SLC20A2: variants seen among roughly 807,000 people sequenced by gnomAD.
The protein encoded by SLC20A2 is sodium-dependent phosphate transporter 2.
A neutral mutation model predicts 61.0 loss-of-function variants in SLC20A2; 30 were observed. That is an observed-to-expected ratio of 0.49 (90% CI 0.37 to 0.67). The LOEUF (loss-of-function observed/expected upper bound fraction) is 0.67, where lower values mean the gene tolerates loss of function less well. Ranked by LOEUF, SLC20A2 falls within the 30% of genes least tolerant of loss-of-function variation. The pLI is 0.00. For synonymous variants in SLC20A2, 351 were observed against 353.3 expected, an observed-to-expected ratio of 0.99 and a Z score of 0.07; for missense variants, 626 against 866.4, an observed-to-expected ratio of 0.72 and a Z score of 3.48.
chr8:42,443,946 T>C (rs1265814653), intron 6 of SLC20A2, among the ~76,000 whole-genome samples: 1 of 152,228 alleles, frequency 6.6e-6, no homozygotes, highest in Non-Finnish European at 1.5e-5. Flanking sequence ...GTAGGATGCC[T>C]TCAGCCGTCA....
chr8:42,529,918 CTT>C lies in SLC20A2; in HGVS notation c.-265+11901_-265+11902del, dbSNP rs543676087. Among the ~76,000 whole-genome samples the C allele has an allele frequency of 4.6e-5, 7 of 152,234 alleles. No individual in the cohort carries two copies. The South Asian group carries it at 1.5e-3, about 32-fold the overall frequency. ...AACCTTTTGATTATAAGTGAAATAA[CTT>C]TTAAAAAAGAAACTTTAGATACAGT... On this transcript the variant is annotated intron_variant, in intron 1 of 10. Coordinates refer to the SLC20A2 transcript ENST00000342228.
chr8:42,444,962 G>A (rs1352657558), intron 5 of SLC20A2, among the ~76,000 whole-genome samples, 200 bp from the exon 6 acceptor site: 1 of 152,262 alleles, frequency 6.6e-6, no homozygotes, highest in Non-Finnish European at 1.5e-5. Flanking sequence ...TGGCGAATAT[G>A]TGCTTAAACT....
At chr8:42,527,575 C>G (rs966358964) in intron 1 of SLC20A2, among the ~76,000 whole-genome samples, 11 of 151,880 alleles carry the variant, frequency 7.2e-5, no homozygotes, top group Non-Finnish European at 1.2e-4. Flanking sequence ...GTTGGGAGTT[C>G]AAGACCAACA....
At chr8:42,503,991 G>T (rs1196641923), upstream of SLC20A2, among the ~76,000 whole-genome samples, 1 of 152,174 alleles carries the variant, frequency 6.6e-6, no homozygotes, top group African/African-American at 2.4e-5. Context: ...CCAGGCTGAA[G>T]TGCAGTGGCA....
At chr8:42,486,612 G>A (rs534356648) in intron 1 of SLC20A2, among the ~76,000 whole-genome samples, 162 of 152,230 alleles carry the variant, frequency 1.1e-3, no homozygotes, top group Middle Eastern at 3.4e-3. Flanking sequence ...GGATTCTTTC[G>A]GCACTTTAAT....
intron 1 of SLC20A2, among the ~76,000 whole-genome samples, chr8:42,516,328 T>A (rs2131386932): frequency 6.6e-6 from 1 of 152,296 alleles, no homozygotes; most frequent in East Asian, 1.9e-4. Context: ...GGGAATACAA[T>A]ATTATCCTAG....
intron 1 of SLC20A2, among the ~76,000 whole-genome samples, chr8:42,525,151 C>T (rs1343514619): frequency 6.6e-6 from 1 of 152,082 alleles, no homozygotes; most frequent in Admixed American, 6.6e-5. Flanking sequence ...GGTGCCACAC[C>T]CACCATCATC....
At chr8:42,502,351 G>C (rs1445598607), upstream of SLC20A2, 1 of 152,118 alleles carries the variant, frequency 6.6e-6, no homozygotes, top group East Asian at 1.9e-4. Context: ...TGTTAGTTTG[G>C]ACTTCAGGAG....
intron 5 of SLC20A2, among the ~76,000 whole-genome samples, chr8:42,452,001 G>A (rs1805729333): frequency 1.7e-5 from 2 of 118,320 alleles, no homozygotes; most frequent in Non-Finnish European, 3.4e-5. Context: ...AAGAGATGAA[G>A]AGGAGGAGGA....
chr8:42,459,257 A>AAAAAAAAAAAAT (rs1563482766), intron 5 of SLC20A2, among the ~76,000 whole-genome samples: 3 of 150,854 alleles, frequency 2.0e-5, no homozygotes, highest in African/African-American at 7.4e-5. Flanking sequence ...AAAAAAAAAA[A>AAAAAAAAAAAAT]AACATAAAAA....
chr8:42,428,485 CAGTG>C (rs1191422469), intron 10 of SLC20A2, among the ~76,000 whole-genome samples: 4 of 152,254 alleles, frequency 2.6e-5, no homozygotes, highest in Non-Finnish European at 5.9e-5. Context: ...ACTGTGGAAA[CAGTG>C]GGAGGATAGC....
chr8:42,444,689 A>G lies in SLC20A2; in HGVS notation c.687T>C (p.Phe229=), dbSNP rs144390898. The G allele has an allele frequency of 7.1e-5, 115 of 1,613,044 alleles. No individual in the cohort carries two copies. In the African/African-American group the frequency reaches 1.3e-3, roughly 19 times the overall value. Residue 229 remains phenylalanine, a synonymous_variant, in exon 6 of 11, where the codon TTT becomes TTC. Coordinates refer to ENST00000520262, the MANE Select transcript of SLC20A2 (RefSeq NM_001257180.2). Reference sequence around the variant, plus strand: ...TCCACGGACACACGAAGAGCCACACAAAAAAAGCGAACAGGAGGGCGACAC... The same window carrying G: ...TCCACGGACACACGAAGAGCCACACGAAAAAAGCGAACAGGAGGGCGACAC... ...SFGVALLFAF[F]VWLFVCPWMR...
intron 7 of SLC20A2, among the ~76,000 whole-genome samples, chr8:42,438,043 T>G (rs1428280059): frequency 5.3e-5 from 6 of 112,542 alleles, no homozygotes; most frequent in African/African-American, 1.9e-4. Context: ...TGTAATATGG[T>G]TACCACTAAA....
intron 10 of SLC20A2, among the ~76,000 whole-genome samples, chr8:42,418,377 C>T (rs540765487): frequency 1.1e-4 from 16 of 151,864 alleles, no homozygotes; most frequent in Middle Eastern, 3.4e-3. Context: ...ATGTTGGCCA[C>T]GCTGATGTGG....
intron 1 of SLC20A2, among the ~76,000 whole-genome samples, chr8:42,525,638 T>C (rs1423235891): frequency 1.4e-5 from 2 of 147,254 alleles, no homozygotes; most frequent in Non-Finnish European, 3.0e-5. Flanking sequence ...TCTGAATACA[T>C]GATCGACAAT....
At chr8:42,477,005 A>T (rs543279461) in intron 1 of SLC20A2, among the ~76,000 whole-genome samples, 1 of 152,306 alleles carries the variant, frequency 6.6e-6, no homozygotes, top group Admixed American at 6.5e-5. Flanking sequence ...CCAAAGCTCA[A>T]TGCCAGCAAT....
chr8:42,465,730 G>A (rs2974357), intron 3 of SLC20A2, 47 bp downstream of exon 3: 3 of 1,503,444 alleles, frequency 2.0e-6, no homozygotes, highest in South Asian at 1.3e-5. Context: ...ACTTACTCTA[G>A]AAAATGTAAA....
rs1357416749 is a variant in SLC20A2, at chr8:42,455,257, T to TATAGAG, written c.613+4638_613+4639insCTCTAT. Among the ~76,000 whole-genome samples the TATAGAG allele has an allele frequency of 9.9e-4, 81 of 81,612 alleles. 1 individual carries two copies. Among genetic ancestry groups the TATAGAG allele is most frequent in the African/African-American group, 2.8e-3 (63 of 22,732 alleles). The allele number at this position is 81,612 out of a possible 152,430, so 53.5% of individuals were successfully genotyped here. On this transcript the variant is annotated intron_variant, in intron 5 of 10. Transcript: ENST00000520262. ...AAAAAAAAAAATATATATATATATATAGAGAGAGAGAGAGAGAGAGAGAGA... is the reference window on the plus strand; with the variant it reads ...AAAAAAAAAAATATATATATATATATATAGAGAGAGAGAGAGAGAGAGAGAGAGAGA...
Position 42,430,200 on chromosome 8 carries a change from C to G in SLC20A2, c.1573G>C (p.Gly525Arg). Residue 525 changes from glycine to arginine, a missense_variant, in exon 9 of 11, where the codon GGG becomes CGG. Gly to Arg is a moderately radical substitution (Grantham distance 125, BLOSUM62 -2). Around this residue, in one of 3 missense-constraint regions of SLC20A2, gnomAD observed 138 missense variants for 228.7 expected, o/e 0.60. Coordinates refer to ENST00000520262, the MANE Select transcript of SLC20A2 (RefSeq NM_001257180.2). ...VALWLIYKQG[G>R]VTQEAATPVW... Reference sequence around the variant, plus strand: ...GGTGTAGCTGCTTCTTGCGTTACCCCGCCTTGTTTGTAAATCAGCCACAAG... The same window carrying G: ...GGTGTAGCTGCTTCTTGCGTTACCCGGCCTTGTTTGTAAATCAGCCACAAG... The G allele has an allele frequency of 3.1e-6, 5 of 1,613,838 alleles. No homozygotes were observed. The highest frequency in any genetic ancestry group is 4.2e-6 in the Non-Finnish European group (5 of 1,179,914).
Sources: gnomAD v4.1 joint callset for allele counts (sites outside exome capture counted in the v4.1 genomes callset) on GRCh38, gnomAD v4.1.1 for gene constraint, gnomAD v4.1.1 regional missense constraint, MANE v1.5 for transcripts, NCBI Gene and HGNC (gene_info 2026-07-23, HGNC 2026-07-21) for gene names.